The following KCNT2 variants were observed in gnomAD, a reference collection of about 807,000 sequenced individuals.
KCNT2 encodes the protein potassium sodium-activated channel subfamily T member 2, also known as potassium channel subfamily T member 2.
A neutral mutation model predicts 153.8 loss-of-function variants in KCNT2; 67 were observed. The ratio of observed to expected loss-of-function variants is 0.44; its 90% CI spans 0.36 to 0.53. The LOEUF is 0.53. Among genes scored for constraint, KCNT2 ranks in the 20% least tolerant of loss-of-function variants. The pLI, the probability that KCNT2 is intolerant of heterozygous loss-of-function variation, is 0.00. For synonymous variants in KCNT2, 500 were observed against 458.8 expected (o/e 1.09, Z -1.15); for missense variants, 975 against 1,354.8 (o/e 0.72, Z 4.40).
intron 25 of KCNT2, among the ~76,000 whole-genome samples, chr1:196,278,603 A>G (rs950996799): frequency 6.6e-6 from 1 of 152,160 alleles, no homozygotes; most frequent in African/African-American, 2.4e-5. Flanking sequence ...TCCTTTTCCT[A>G]TCTGCAATGT....
At chr1:196,257,916 G>A in intron 26 of KCNT2, 2 of 960,410 alleles carry the variant, frequency 2.1e-6, no homozygotes, top group Non-Finnish European at 2.5e-6. Flanking sequence ...TGAAAACACA[G>A]GGTCTGGCTC....
At chr1:196,473,876 T>C (rs993016657) in intron 5 of KCNT2, among the ~76,000 whole-genome samples, 1 of 152,084 alleles carries the variant, frequency 6.6e-6, no homozygotes, top group African/African-American at 2.4e-5. Flanking sequence ...AGAAATAAAA[T>C]TGAAAGGCAA....
chr1:196,544,775 C>G (rs1279015953), intron 1 of KCNT2, among the ~76,000 whole-genome samples: 1 of 151,984 alleles, frequency 6.6e-6, no homozygotes, highest in African/African-American at 2.4e-5. Context: ...AAAAGAATGC[C>G]CTGAGCAGCA....
intron 3 of KCNT2, among the ~76,000 whole-genome samples, chr1:196,488,528 T>A (rs1679613072): frequency 6.6e-6 from 1 of 152,000 alleles, no homozygotes; most frequent in African/African-American, 2.4e-5. Context: ...ACCCACCAAA[T>A]GCCCTTTTAC....
At chr1:196,460,977 T>C (rs76357263) in intron 8 of KCNT2, among the ~76,000 whole-genome samples, 1 of 151,670 alleles carries the variant, frequency 6.6e-6, no homozygotes. Flanking sequence ...AATTGCCAGA[T>C]CTTCAGACAA....
chr1:196,520,541 C>T (rs1186868644), intron 1 of KCNT2, among the ~76,000 whole-genome samples: 3 of 151,740 alleles, frequency 2.0e-5, no homozygotes, highest in Non-Finnish European at 4.4e-5. Flanking sequence ...TGACATGATT[C>T]TCTATCTAAA....
At chr1:196,483,156 T>C (rs962177119) in intron 3 of KCNT2, among the ~76,000 whole-genome samples, 3 of 152,210 alleles carry the variant, frequency 2.0e-5, no homozygotes, top group Non-Finnish European at 4.4e-5. Flanking sequence ...CGCATTTAAG[T>C]AAACGGTGCC....
chr1:196,303,278 T>C (rs1661351758), intron 22 of KCNT2, among the ~76,000 whole-genome samples: 1 of 152,206 alleles, frequency 6.6e-6, no homozygotes, highest in South Asian at 2.1e-4. Context: ...TGTGTCTCTC[T>C]CTTTGGGAGT....
chr1:196,487,409 A>AGTGTGTGTGTGTGTGTGTGTGTGT (rs56943556), intron 3 of KCNT2, among the ~76,000 whole-genome samples: 1 of 146,436 alleles, frequency 6.8e-6, no homozygotes, highest in Admixed American at 6.9e-5. Flanking sequence ...CATGTTATGG[A>AGTGTGTGTGTGTGTGTGTGTGTGT]GTGTGTGTGT....
At chr1:196,387,237 C>A (rs1252631652) in intron 13 of KCNT2, among the ~76,000 whole-genome samples, 1 of 151,730 alleles carries the variant, frequency 6.6e-6, no homozygotes, top group East Asian at 1.9e-4. Flanking sequence ...TTTGCCTTGC[C>A]CCCATTTCCT....
chr1:196,469,515 C>T (rs1375701360), intron 5 of KCNT2, among the ~76,000 whole-genome samples: 3 of 152,076 alleles, frequency 2.0e-5, no homozygotes, highest in Admixed American at 2.0e-4. Context: ...CACTTTAATA[C>T]AATTTAAAGA....
intron 1 of KCNT2, among the ~76,000 whole-genome samples, chr1:196,510,891 T>C (rs904080215): frequency 1.3e-5 from 2 of 152,192 alleles, no homozygotes; most frequent in Admixed American, 1.3e-4. Flanking sequence ...TAGATGCCTA[T>C]TAATTTCATA....
chr1:196,400,180 A>G lies in KCNT2; in HGVS notation c.1186-1509T>C, dbSNP rs2148445669. On this transcript the variant is annotated intron_variant, in intron 12 of 27. Coordinates refer to ENST00000294725, the MANE Select transcript of KCNT2 (RefSeq NM_198503.5). ...GTGAATACTTGTTAATCAATTTTAC[A>G]TGCTTTTAAATCTGAGGTTTGAGGG... Among the ~76,000 whole-genome samples, 2 of 151,822 alleles carry G rather than the reference A, an allele frequency of 1.3e-5. 1 individual carries two copies. The highest frequency in any genetic ancestry group is 4.1e-4 in the South Asian group (2 of 4,822).
At chr1:196,254,593 G>A (rs1188223494) in intron 26 of KCNT2, among the ~76,000 whole-genome samples, 3 of 151,392 alleles carry the variant, frequency 2.0e-5, no homozygotes, top group African/African-American at 4.8e-5. Flanking sequence ...TGATTTATTC[G>A]TTAAAAAATA....
chr1:196,253,349 C>T (rs761692426), intron 26 of KCNT2, among the ~76,000 whole-genome samples: 3 of 151,402 alleles, frequency 2.0e-5, no homozygotes, highest in Non-Finnish European at 4.4e-5. Context: ...CCACCCCCAT[C>T]CAGTATTTAA....
At chr1:196,255,419 A>G (rs1656390412) in intron 26 of KCNT2, among the ~76,000 whole-genome samples, 2 of 151,790 alleles carry the variant, frequency 1.3e-5, no homozygotes, top group Non-Finnish European at 3.0e-5. Context: ...AAAATTAATT[A>G]AAAGCAAGCA....
chr1:196,245,701 A>G (rs1655378538), intron 26 of KCNT2, among the ~76,000 whole-genome samples: 1 of 152,330 alleles, frequency 6.6e-6, no homozygotes, highest in East Asian at 1.9e-4. Context: ...CAAAAATTCT[A>G]GAGTTGAAAA....
At chr1:196,511,011 T>A (rs574908227) in intron 1 of KCNT2, among the ~76,000 whole-genome samples, 1 of 152,222 alleles carries the variant, frequency 6.6e-6, no homozygotes, top group Non-Finnish European at 1.5e-5. Flanking sequence ...AGATTCTGCA[T>A]CTGGCAATAT....
chr1:196,412,420 A>G (rs1282987718), intron 12 of KCNT2, among the ~76,000 whole-genome samples: 3 of 151,754 alleles, frequency 2.0e-5, no homozygotes, highest in Non-Finnish European at 1.5e-5. Context: ...ACAGGAAAAG[A>G]AAGAATCATT....
Sources: allele counts gnomAD v4.1 joint callset (sites outside exome capture counted in the v4.1 genomes callset), GRCh38; gene constraint gnomAD v4.1.1; transcripts MANE v1.5; gene names NCBI Gene and HGNC (gene_info 2026-07-23, HGNC 2026-07-21).